Variants in MOV10L1 observed in about 807,000 individuals in gnomAD.
MOV10L1 encodes the protein Mov10 like RNA helicase 1.
Under a neutral mutation model 143.8 loss-of-function variants are expected in MOV10L1, and 110 were observed. The observed-to-expected ratio is 0.76, with a 90% confidence interval of 0.66 to 0.90. The LOEUF is 0.90. MOV10L1 is among the 40% of genes least tolerant of loss of function. MOV10L1 has a pLI of 0.00. For synonymous variants in MOV10L1, 593 were observed against 581.1 expected (o/e 1.02, Z -0.29); for missense variants, 1,406 against 1,526.8 (o/e 0.92, Z 1.32).
At chr22:50,093,117 G>A (rs916753034) in intron 2 of MOV10L1, 1 of 152,214 alleles carries the variant, frequency 6.6e-6, no homozygotes, top group African/African-American at 2.4e-5. Flanking sequence ...TAGCCAGGAT[G>A]GTCTGGAGCT....
rs1014262256 is a variant in MOV10L1, at chr22:50,159,148, G to A, written c.3217-530G>A. ...TGTGGGGAGGGAGGATTTTCCACAT[G>A]AAACTTGGCTTTCCTAGTAAGCATT... On this transcript the variant is annotated intron_variant, in intron 23 of 26. Coordinates refer to ENST00000262794, the MANE Select transcript of MOV10L1 (RefSeq NM_018995.3). The surrounding 1 kb of genome is among the most constrained non-coding windows in gnomAD (Gnocchi z 4.1). 6.6e-6 allele frequency: 1 copy of A among 152,182 alleles called. No homozygotes were observed. Among genetic ancestry groups the A allele is most frequent in the Non-Finnish European group, 1.5e-5 (1 of 68,052 alleles). 9.4% of individuals were successfully genotyped at this position (152,182 alleles called of 1,614,324 possible). A position where few individuals can be genotyped will look rare whatever the true frequency, so the allele number is the denominator to read the frequency against.
intron 18 of MOV10L1, among the ~76,000 whole-genome samples, chr22:50,145,189 G>A (rs992862750): frequency 3.3e-5 from 5 of 152,276 alleles, no homozygotes; most frequent in African/African-American, 1.2e-4. Context: ...TGATCCACCC[G>A]CCTCTGCCTC....
At chr22:50,153,310 C>T in intron 22 of MOV10L1, 92 bp downstream of exon 22, 3 of 1,393,178 alleles carry the variant, frequency 2.2e-6, no homozygotes, top group Non-Finnish European at 2.9e-6. Context: ...TGTCACCTGC[C>T]TGTGGCGGGG....
rs982647169 is a variant in MOV10L1, at chr22:50,152,851, A to G, written c.2893-194A>G. Among the ~76,000 whole-genome samples the G allele has an allele frequency of 1.3e-5, 2 of 152,072 alleles. No homozygotes were observed. The highest frequency in any genetic ancestry group is 4.8e-5 in the African/African-American group (2 of 41,386). On this transcript the variant is annotated intron_variant, in intron 21 of 26. Transcript: ENST00000262794. This position sits in a 1 kb window ranked among gnomAD's most constrained non-coding sequence, Gnocchi z 4.4. ...TTTCTTCCTGATGTTTCCATTTTCT[A>G]TTCAGATGGACCCTTGGCTTGACCA...
intron 12 of MOV10L1, among the ~76,000 whole-genome samples, chr22:50,128,053 TGAGCCACCGCACCCAGCA>T (rs1037736261): frequency 1.1e-4 from 17 of 152,254 alleles, no homozygotes; most frequent in African/African-American, 4.1e-4. Flanking sequence ...ATTACAGGTG[TGAGCCACCGCACCCAGCA>T]GACCTTCTTA....
intron 24 of MOV10L1, among the ~76,000 whole-genome samples, chr22:50,160,316 G>A (rs1166840876): frequency 2.7e-5 from 4 of 148,288 alleles, no homozygotes; most frequent in Non-Finnish European, 4.4e-5. Context: ...GCGCGATCTC[G>A]GCTCACTGCA....
At chr22:50,122,347 C>T (rs2062369418) in intron 10 of MOV10L1, among the ~76,000 whole-genome samples, 1 of 152,102 alleles carries the variant, frequency 6.6e-6, no homozygotes, top group African/African-American at 2.4e-5. Flanking sequence ...GCTGCCTTTT[C>T]AGATTCTTCA....
At chr22:50,112,756 C>A (rs533662529) in intron 5 of MOV10L1, among the ~76,000 whole-genome samples, 1 of 152,196 alleles carries the variant, frequency 6.6e-6, no homozygotes, top group Non-Finnish European at 1.5e-5. Flanking sequence ...ACAGCCTTCC[C>A]GTGGCAAGAG....
rs190713541 is a variant in MOV10L1, at chr22:50,126,344, C to T, written c.1818+72C>T. 4.3e-5 allele frequency: 50 copies of T among 1,165,836 alleles called. No homozygotes were observed. In the African/African-American group the frequency reaches 6.9e-4, roughly 16 times the overall value. 72.2% of individuals were successfully genotyped at this position (1,165,836 alleles called of 1,614,324 possible). On this transcript the variant is annotated intron_variant, in intron 12 of 26. Transcript: ENST00000262794. The stretch of plus-strand genomic sequence containing the variant: ...GACCGGTTGGAAAGGTAACGTTCTC[C>T]CCACGGCTCTTGGGGAGATGCTCCC...
chr22:50,139,562 A>G (rs2062924284), intron 15 of MOV10L1, among the ~76,000 whole-genome samples: 1 of 152,126 alleles, frequency 6.6e-6, no homozygotes, highest in Non-Finnish European at 1.5e-5. Context: ...AAACAAAGAA[A>G]AAAAAAAGAC....
chr22:50,124,039 A>G (rs1156956080), intron 10 of MOV10L1, among the ~76,000 whole-genome samples: 1 of 152,146 alleles, frequency 6.6e-6, no homozygotes, highest in Non-Finnish European at 1.5e-5. Flanking sequence ...TAGTTAATCT[A>G]CTAAAAGTCT....
At chr22:50,096,228 AT>A (rs566392934) in intron 2 of MOV10L1, 228 of 152,266 alleles carry the variant, frequency 1.5e-3, no homozygotes, top group African/African-American at 5.3e-3. Flanking sequence ...GTCTCTATGA[AT>A]TTGCCCATTC....
intron 15 of MOV10L1, among the ~76,000 whole-genome samples, chr22:50,137,243 A>T (rs1176704678): frequency 6.6e-6 from 1 of 152,204 alleles, no homozygotes; most frequent in African/African-American, 2.4e-5. Context: ...AAGGACATTA[A>T]AACAGTTATA....
At chr22:50,143,770 C>T (rs1327002388) in intron 17 of MOV10L1, among the ~76,000 whole-genome samples, 2 of 152,198 alleles carry the variant, frequency 1.3e-5, no homozygotes, top group Non-Finnish European at 2.9e-5. Flanking sequence ...CTACATTTAG[C>T]GTCATTCAGG....
intron 12 of MOV10L1, 24 bp from the exon 13 acceptor site, chr22:50,128,392 G>T: frequency 8.3e-7 from 1 of 1,198,266 alleles, no homozygotes; most frequent in Non-Finnish European, 1.2e-6. Flanking sequence ...AAGAAATCAG[G>T]TATATTGTTT....
chr22:50,149,737 G>C (rs1389494917), intron 20 of MOV10L1, 23 bp downstream of exon 20: 2 of 1,598,558 alleles, frequency 1.3e-6, no homozygotes, highest in Admixed American at 3.4e-5. Context: ...TACTGTGTGT[G>C]CTGCTTCCTC....
chr22:50,141,025 A>C (rs1302523076), intron 15 of MOV10L1, among the ~76,000 whole-genome samples: 1 of 152,140 alleles, frequency 6.6e-6, no homozygotes, highest in Non-Finnish European at 1.5e-5. Context: ...ATTGGAACAC[A>C]CAGAAAACCA....
At chr22:50,157,761 C>A (rs1383187973) in intron 22 of MOV10L1, among the ~76,000 whole-genome samples, 54 of 120,246 alleles carry the variant, frequency 4.5e-4, no homozygotes, top group South Asian at 1.1e-3. Flanking sequence ...GGTCTAATAT[C>A]AAAAAAAAAA....
At chr22:50,110,310 G>A (rs1243010087) in intron 5 of MOV10L1, among the ~76,000 whole-genome samples, 2 of 151,984 alleles carry the variant, frequency 1.3e-5, no homozygotes, top group Non-Finnish European at 2.9e-5. Context: ...TTAGCCAGGC[G>A]TGGTGGCCGG....
Sources: allele counts gnomAD v4.1 joint callset (sites outside exome capture counted in the v4.1 genomes callset), GRCh38; gene constraint gnomAD v4.1.1; non-coding constraint Gnocchi (gnomAD v3.1); transcripts MANE v1.5; gene names NCBI Gene and HGNC (gene_info 2026-07-23, HGNC 2026-07-21).